The following BCL6B variants were observed in gnomAD, a reference collection of about 807,000 sequenced individuals.
BCL6B encodes the protein BCL6B transcription repressor, also known as B-cell CLL/lymphoma 6 member B protein.
Under a neutral mutation model 44.6 loss-of-function variants are expected in BCL6B, and 28 were observed. The ratio of observed to expected loss-of-function variants is 0.63; its 90% CI spans 0.47 to 0.86. The LOEUF is 0.86. Ranked by LOEUF, BCL6B falls within the 40% of genes least tolerant of loss-of-function variation. BCL6B has a pLI of 0.00. For missense variants in BCL6B, 626 were observed against 652.3 expected (o/e 0.96, Z 0.44); for synonymous variants, 268 against 263.6 (o/e 1.02, Z -0.16).
rs763161002 is a variant in BCL6B, at chr17:7,023,693, G to T, written c.22G>T (p.Glu8Ter). Residue 8 changes from glutamate to a stop codon, truncating the protein, a stop_gained, in exon 2 of 9, where the codon GAG (glutamate) becomes TAG (stop). Transcript: ENST00000293805. LOFTEE classifies it high-confidence loss of function. ...CGCTATGGGTTCCCCCGCCGCCCCG[G>T]AGGGAGCGCTGGGCTACGTCCGCGA... Reference protein sequence around the residue: MGSPAAPEGALGYVREFT... With the variant: MGSPAAP 3 of 1,612,948 alleles carry T rather than the reference G, an allele frequency of 1.9e-6. No individual in the cohort carries two copies. Among genetic ancestry groups the T allele is most frequent in the East Asian group, 4.5e-5 (2 of 44,876 alleles).
Position 7,026,741 on chromosome 17 carries a change from G to A in BCL6B, c.1091G>A (p.Arg364His), listed in dbSNP as rs1312350454. 3.7e-6 allele frequency: 6 copies of A among 1,614,218 alleles called. No homozygotes were observed. The highest frequency in any genetic ancestry group is 1.7e-5 in the Admixed American group (1 of 60,034). Residue 364 changes from arginine to histidine, a missense_variant, in exon 7 of 9, where the codon CGT becomes CAT. Physicochemically the swap from Arg to His is conservative, Grantham distance 29. Coordinates refer to ENST00000293805, the MANE Select transcript of BCL6B (RefSeq NM_181844.4). ...TACCACTGCTCAATCTGCGGAGCCC[G>A]TTTTAACCGGCCAGCAAACCTGAAA... ...KPYHCSICGA[R>H]FNRPANLKTH...
At position 7,026,633 on chromosome 17, in the gene BCL6B, G is replaced by T; in HGVS notation, c.1054+12G>T. ...TACAGTGCACACAGGTAGGGGAAGA[G>T]AGGGCCCTGGCCTTCAAGCCCACAG... On this transcript the variant is annotated intron_variant, in intron 6 of 8. Coordinates refer to ENST00000293805, the MANE Select transcript of BCL6B (RefSeq NM_181844.4). The T allele has an allele frequency of 6.2e-7, 1 of 1,614,070 alleles. No homozygotes were observed. Among genetic ancestry groups the T allele is most frequent in the East Asian group, 2.2e-5 (1 of 44,876 alleles).
In BCL6B at chr17:7,024,290, C is replaced by T. The variant is rs557258588; in HGVS notation, c.387C>T (p.Arg129=). 1 of 1,613,766 alleles carries T rather than the reference C, an allele frequency of 6.2e-7. No individual in the cohort carries two copies. Among genetic ancestry groups the T allele is most frequent in the African/African-American group, 1.3e-5 (1 of 75,056 alleles). The change falls in exon 3 of 9, where the codon CGC becomes CGT. Residue 129 remains arginine (R), a synonymous_variant. Coordinates refer to ENST00000293805, the MANE Select transcript of BCL6B (RefSeq NM_181844.4). The surrounding 1 kb of genome is among the most constrained non-coding windows in gnomAD (Gnocchi z 6.6). ...AGCACGTGGTCCAGGCATGCCACCG[C>T]TTCATCCAGGCCAGGTGAGGGACCC... ...QMEHVVQACH[R]FIQASYEPLG...
chr17:7,029,522 T>A lies in BCL6B; in HGVS notation c.*1903T>A. 1 of 1,083,280 alleles carries A rather than the reference T, an allele frequency of 9.2e-7. No homozygotes were observed. Among genetic ancestry groups the A allele is most frequent in the South Asian group, 2.3e-5 (1 of 43,638 alleles). The allele number at this position is 1,083,280 out of a possible 1,614,324, so 67.1% of individuals were successfully genotyped here. A position where few individuals can be genotyped will look rare whatever the true frequency, so the allele number is the denominator to read the frequency against. ...GAAGGAAGAAGGGAAGGCGGAGGAGTCTATAAGAAGGAATCATGATTTCTA... is the reference window on the plus strand; with the variant it reads ...GAAGGAAGAAGGGAAGGCGGAGGAGACTATAAGAAGGAATCATGATTTCTA... On this transcript the variant is annotated 3_prime_UTR_variant, in exon 9 of 9. Coordinates refer to ENST00000293805, the MANE Select transcript of BCL6B (RefSeq NM_181844.4).
chr17:7,027,272 C>G (rs1910323953), intron 8 of BCL6B, among the ~76,000 whole-genome samples, 185 bp downstream of exon 8: 1 of 152,120 alleles, frequency 6.6e-6, no homozygotes, highest in African/African-American at 2.4e-5. Context: ...AGTGATGCTC[C>G]TGGGCTGAGC....
chr17:7,024,229 C>G lies in BCL6B; in HGVS notation c.326C>G (p.Pro109Arg), dbSNP rs1321380552. The change falls in exon 3 of 9, where the codon CCA becomes CGA. Residue 109 changes from proline (P) to arginine (R), a missense_variant. Pro to Arg is a moderately radical substitution (Grantham distance 103). Coordinates refer to ENST00000293805, the MANE Select transcript of BCL6B (RefSeq NM_181844.4). This position sits in a 1 kb window ranked among gnomAD's most constrained non-coding sequence, Gnocchi z 6.6. ...SRLRLSPATA[P>R]AVLAAATYLQ... is the part of the protein sequence containing the mutation. ...CTGCGCCTCTCTCCAGCCACTGCACCAGCAGTCCTAGCGGCCGCCACCTAT... is the reference window on the plus strand; with the variant it reads ...CTGCGCCTCTCTCCAGCCACTGCACGAGCAGTCCTAGCGGCCGCCACCTAT... 1.2e-6 allele frequency: 2 copies of G among 1,613,898 alleles called. No individual in the cohort carries two copies. Among genetic ancestry groups the G allele is most frequent in the East Asian group, 2.2e-5 (1 of 44,880 alleles).
In BCL6B at chr17:7,026,788, G is replaced by C; in HGVS notation, c.1138G>C (p.Gly380Arg). 1 of 1,614,144 alleles carries C rather than the reference G, an allele frequency of 6.2e-7. No homozygotes were observed. Among genetic ancestry groups the C allele is most frequent in the Non-Finnish European group, 8.5e-7 (1 of 1,180,044 alleles). The change falls in exon 7 of 9, where the codon GGA (glycine) becomes CGA (arginine). Residue 380 changes from glycine to arginine, a missense_variant. Coordinates refer to ENST00000293805, the MANE Select transcript of BCL6B (RefSeq NM_181844.4). ...GAAAACGCACAGCCGCATCCATTCG[G>C]GAGAGAAGCCGTATAAGTGTGAGAC... The part of the protein sequence containing the change: ...NLKTHSRIHS[G>R]EKPYKCETCG...
Position 7,024,297 on chromosome 17 carries a change from C to G in BCL6B, c.394C>G (p.Gln132Glu), listed in dbSNP as rs1317418905. The part of the protein sequence containing the change: ...HVVQACHRFI[Q>E]ASYEPLGISL... Reference sequence around the variant, plus strand: ...GGTCCAGGCATGCCACCGCTTCATCCAGGCCAGGTGAGGGACCCTGGCTCG... The same window carrying G: ...GGTCCAGGCATGCCACCGCTTCATCGAGGCCAGGTGAGGGACCCTGGCTCG... The change falls in exon 3 of 9, where the codon CAG becomes GAG. Residue 132 changes from glutamine to glutamate, a missense_variant. Coordinates refer to ENST00000293805, the MANE Select transcript of BCL6B (RefSeq NM_181844.4). This position sits in a 1 kb window ranked among gnomAD's most constrained non-coding sequence, Gnocchi z 6.6. 1 of 1,613,756 alleles carries G rather than the reference C, an allele frequency of 6.2e-7. No homozygotes were observed. The highest frequency in any genetic ancestry group is 2.2e-5 in the East Asian group (1 of 44,882).
chr17:7,027,604 T>C lies in BCL6B; in HGVS notation c.1425T>C (p.Ile475=), dbSNP rs1477196992. 8.7e-6 allele frequency: 14 copies of C among 1,613,182 alleles called. No homozygotes were observed. Among genetic ancestry groups the C allele is most frequent in the Non-Finnish European group, 1.2e-5 (14 of 1,179,986 alleles). Residue 475 remains isoleucine (I), a synonymous_variant, in exon 9 of 9, where the codon ATT becomes ATC. Transcript: ENST00000293805. Reference sequence around the variant, plus strand: ...CCAACACCAAAGTGCACTACCACATTCTCGGGGGGCCCTAGCTGAGCGCAG... The same window carrying C: ...CCAACACCAAAGTGCACTACCACATCCTCGGGGGGCCCTAGCTGAGCGCAG... ...AATNTKVHYH[I]LGGP is the part of the protein sequence containing the mutation.
Position 7,023,686 on chromosome 17 carries a change from C to T in BCL6B, c.15C>T (p.Ala5=). The T allele has an allele frequency of 2.5e-6, 4 of 1,612,610 alleles. No homozygotes were observed. Among genetic ancestry groups the T allele is most frequent in the Non-Finnish European group, 2.5e-6 (3 of 1,179,770 alleles). The change falls in exon 2 of 9, where the codon GCC becomes GCT. Residue 5 remains alanine, a synonymous_variant. Coordinates refer to ENST00000293805, the MANE Select transcript of BCL6B (RefSeq NM_181844.4). Reference sequence around the variant, plus strand: ...CCTGTGTCGCTATGGGTTCCCCCGCCGCCCCGGAGGGAGCGCTGGGCTACG... The same window carrying T: ...CCTGTGTCGCTATGGGTTCCCCCGCTGCCCCGGAGGGAGCGCTGGGCTACG... MGSP[A]APEGALGYVR...
In BCL6B at chr17:7,024,727, G is replaced by A. The variant is rs552028195; in HGVS notation, c.728G>A (p.Ser243Asn). ...ASSSSSSSSSSSEEGPIPGPQ... is the reference protein window; with the variant it reads ...ASSSSSSSSSNSEEGPIPGPQ... ...AGCAGCAGCAGCAGCAGCAGCAGCA[G>A]CAGTGAAGAAGGACCCATTCCTGGT... Residue 243 changes from serine to asparagine, a missense_variant, in exon 4 of 9, where the codon AGC (serine) becomes AAC (asparagine). Physicochemically the swap from Ser to Asn is conservative, Grantham distance 46 (BLOSUM62 1). Transcript: ENST00000293805. This position sits in a 1 kb window ranked among gnomAD's most constrained non-coding sequence, Gnocchi z 6.6. The A allele has an allele frequency of 6.2e-7, 1 of 1,613,132 alleles. No homozygotes were observed. The highest frequency in any genetic ancestry group is 8.5e-7 in the Non-Finnish European group (1 of 1,179,882).
At position 7,029,369 on chromosome 17, in the gene BCL6B, A is replaced by C; in HGVS notation, c.*1750A>C. The C allele has an allele frequency of 1.0e-6, 1 of 995,606 alleles. No individual in the cohort carries two copies. The highest frequency in any genetic ancestry group is 1.2e-6 in the Non-Finnish European group (1 of 835,744). 61.7% of individuals were successfully genotyped at this position (995,606 alleles called of 1,614,324 possible). ...GGGACGAGGGTAGAAAGTAAGAAGCACTTTTGAATTTGTGGGGTAGAACTT... is the reference window on the plus strand; with the variant it reads ...GGGACGAGGGTAGAAAGTAAGAAGCCCTTTTGAATTTGTGGGGTAGAACTT... On this transcript the variant is annotated 3_prime_UTR_variant, in exon 9 of 9. Transcript: ENST00000293805.
rs1315521181 is a variant in BCL6B at position 7,029,278 on chromosome 17, TAGA to T, written c.*1665_*1667del. On this transcript the variant is annotated 3_prime_UTR_variant, in exon 9 of 9. Transcript: ENST00000293805. ...TGGCTGGGTGGAGTCTCTGAAATGT[TAGA>T]AGAAGCGCTGAAGCCTTGATTGATA... 3 of 986,682 alleles carry T rather than the reference TAGA, an allele frequency of 3.0e-6. No homozygotes were observed. The highest frequency in any genetic ancestry group is 1.1e-4 in the East Asian group (1 of 8,838). 61.1% of individuals were successfully genotyped at this position (986,682 alleles called of 1,614,324 possible). A position where few individuals can be genotyped will look rare whatever the true frequency, so the allele number is the denominator to read the frequency against.
In BCL6B at chr17:7,024,258, C is replaced by G. The variant is rs1221018193; in HGVS notation, c.355C>G (p.Gln119Glu). ...PAVLAAATYL[Q>E]MEHVVQACHR... is the part of the protein sequence containing the mutation. The stretch of plus-strand genomic sequence containing the variant: ...AGTCCTAGCGGCCGCCACCTATTTG[C>G]AGATGGAGCACGTGGTCCAGGCATG... The change falls in exon 3 of 9, where the codon CAG (glutamine) becomes GAG (glutamate). Residue 119 changes from glutamine (Q) to glutamate (E), a missense_variant. Gln to Glu is a conservative substitution (Grantham distance 29). Transcript: ENST00000293805. The surrounding 1 kb of genome is among the most constrained non-coding windows in gnomAD (Gnocchi z 6.6). 1.9e-6 allele frequency: 3 copies of G among 1,613,624 alleles called. No homozygotes were observed. The African/African-American group carries it at 4.0e-5, about 22-fold the overall frequency.
intron 5 of BCL6B, 89 bp downstream of exon 5, chr17:7,025,289 G>T (rs9902924): frequency 2.0e-6 from 3 of 1,514,782 alleles, no homozygotes; most frequent in African/African-American, 2.8e-5. Context: ...TATTCCAATG[G>T]TTCCTAAACT....
In BCL6B at chr17:7,024,325, G is replaced by A. The variant is rs1176270531; in HGVS notation, c.401+21G>A. The A allele has an allele frequency of 7.4e-6, 12 of 1,613,674 alleles. No homozygotes were observed. Among genetic ancestry groups the A allele is most frequent in the Non-Finnish European group, 1.0e-5 (12 of 1,179,954 alleles). ...GCCAGGTGAGGGACCCTGGCTCGGC[G>A]TTCTCTGTGGGTGAGGTGTTAAGGG... On this transcript the variant is annotated intron_variant, in intron 3 of 8. Transcript: ENST00000293805. The surrounding 1 kb of genome is among the most constrained non-coding windows in gnomAD (Gnocchi z 6.6).
chr17:7,029,461 C>T lies in BCL6B; in HGVS notation c.*1842C>T, dbSNP rs1308219391. 2.9e-6 allele frequency: 3 copies of T among 1,037,850 alleles called. No homozygotes were observed. In the Admixed American group the frequency reaches 1.5e-4, roughly 53 times the overall value. 64.3% of individuals were successfully genotyped at this position (1,037,850 alleles called of 1,614,324 possible). A position where few individuals can be genotyped will look rare whatever the true frequency, so the allele number is the denominator to read the frequency against. ...TGAGAAAGCTACTCTTCTCCCTCTT[C>T]CCTCTTTCTCCCCATGGCCCCACTG... On this transcript the variant is annotated 3_prime_UTR_variant, in exon 9 of 9. Coordinates refer to ENST00000293805, the MANE Select transcript of BCL6B (RefSeq NM_181844.4).
Position 7,024,030 on chromosome 17 carries a change from CAT to C in BCL6B, c.180-52_180-51del, listed in dbSNP as rs1380315049. The C allele has an allele frequency of 5.7e-5, 90 of 1,581,102 alleles. No homozygotes were observed. The highest frequency in any genetic ancestry group is 7.5e-5 in the Non-Finnish European group (86 of 1,153,544). On this transcript the variant is annotated intron_variant, in intron 2 of 8. Transcript: ENST00000293805. This position sits in a 1 kb window ranked among gnomAD's most constrained non-coding sequence, Gnocchi z 6.6. ...GGGGGCGGGGCTTCCTGAAGCTGCG[CAT>C]GTCTCCCTTGGTTCCCCAGCCCCCA... is the stretch of plus-strand genomic sequence containing the variant.
In BCL6B at chr17:7,026,839, C is replaced by T. The variant is rs375111971; in HGVS notation, c.1185+4C>T. The T allele has an allele frequency of 4.8e-5, 78 of 1,613,482 alleles. 1 individual carries two copies. The African/African-American group carries it at 8.5e-4, about 18-fold the overall frequency. On this transcript the variant is annotated splice_donor_region_variant and intron_variant, in intron 7 of 8. Transcript: ENST00000293805. ...GTGCGGCTCGCGCTTTGTACAGGTA[C>T]GGAGCCAGCCTCCAAGTGGCTTCCA...
Sources: gnomAD v4.1 joint callset for allele counts (sites outside exome capture counted in the v4.1 genomes callset) on GRCh38, gnomAD v4.1.1 for gene constraint, Gnocchi (gnomAD v3.1) non-coding constraint, MANE v1.5 for transcripts, NCBI Gene and HGNC (gene_info 2026-07-23, HGNC 2026-07-21) for gene names.